Variants in ERGIC1 observed in about 807,000 individuals in gnomAD.
ERGIC1 encodes the protein endoplasmic reticulum-Golgi intermediate compartment protein 1.
ERGIC1 carries 19 observed loss-of-function variants against 38.3 expected under a neutral mutation model. That is an observed-to-expected ratio of 0.50 (90% CI 0.35 to 0.73). The LOEUF is 0.73. ERGIC1 is among the 30% of genes least tolerant of loss of function. The pLI is 0.01. For missense variants in ERGIC1, 294 were observed against 389.2 expected (o/e 0.76, Z 2.06); for synonymous variants, 124 against 157.6 (o/e 0.79, Z 1.60).
chr5:172,845,341 C>T (rs1165580204), intron 1 of ERGIC1, among the ~76,000 whole-genome samples: 1 of 152,124 alleles, frequency 6.6e-6, no homozygotes, highest in Admixed American at 6.5e-5. Flanking sequence ...CATCTGTGGG[C>T]GAGAGATTAT....
chr5:172,908,318 G>GTA (rs1561729632), intron 3 of ERGIC1, among the ~76,000 whole-genome samples: 1 of 7,328 alleles, frequency 1.4e-4, no homozygotes, highest in Non-Finnish European at 2.1e-4. Context: ...GGGGGGGGGG[G>GTA]AGAGAGGGGA....
At chr5:172,850,935 C>A (rs1761387704) in intron 1 of ERGIC1, among the ~76,000 whole-genome samples, 1 of 152,000 alleles carries the variant, frequency 6.6e-6, no homozygotes, top group Admixed American at 6.6e-5. Context: ...CACGGTGGCT[C>A]ACACTTGTAA....
chr5:172,862,557 C>A (rs1351739933), intron 1 of ERGIC1, among the ~76,000 whole-genome samples: 1 of 152,158 alleles, frequency 6.6e-6, no homozygotes, highest in Non-Finnish European at 1.5e-5. Context: ...GCTGGCCAGC[C>A]TTGACTTTTC....
chr5:172,848,765 G>T (rs1468799264), intron 1 of ERGIC1, among the ~76,000 whole-genome samples: 1 of 152,246 alleles, frequency 6.6e-6, no homozygotes, highest in Non-Finnish European at 1.5e-5. Flanking sequence ...CTGCAATGTG[G>T]CAGAGGGGTT....
chr5:172,849,655 C>T (rs991538790), intron 1 of ERGIC1, among the ~76,000 whole-genome samples: 2 of 152,178 alleles, frequency 1.3e-5, no homozygotes, highest in Non-Finnish European at 2.9e-5. Context: ...GAATCCCTTA[C>T]GTTTTCCAGT....
At chr5:172,884,244 G>GT (rs71579704) in intron 1 of ERGIC1, among the ~76,000 whole-genome samples, 3,556 of 90,562 alleles carry the variant, frequency 0.039, 322 homozygotes, top group African/African-American at 0.099. Context: ...GGAACCCCAA[G>GT]TTTTTTTTTT....
At chr5:172,885,045 G>A (rs978810320) in intron 1 of ERGIC1, among the ~76,000 whole-genome samples, 1 of 152,074 alleles carries the variant, frequency 6.6e-6, no homozygotes, top group Non-Finnish European at 1.5e-5. Context: ...ACTCTGCCCC[G>A]AGCCACTGCT....
intron 4 of ERGIC1, among the ~76,000 whole-genome samples, chr5:172,910,244 T>C (rs1763171948): frequency 6.6e-6 from 1 of 152,170 alleles, no homozygotes; most frequent in African/African-American, 2.4e-5. Flanking sequence ...ATTATCCATG[T>C]CATTGGGTAA....
At chr5:172,888,610 C>A in intron 1 of ERGIC1, 89 bp from the exon 2 acceptor site, 1 of 1,018,700 alleles carries the variant, frequency 9.8e-7, no homozygotes, top group Non-Finnish European at 1.6e-6. Flanking sequence ...TTTGTTGAAC[C>A]ATGTGTCACA....
At chr5:172,842,151 A>G (rs370658752) in intron 1 of ERGIC1, among the ~76,000 whole-genome samples, 10 of 152,190 alleles carry the variant, frequency 6.6e-5, no homozygotes, top group Non-Finnish European at 1.2e-4. Flanking sequence ...GGTTCAAGCA[A>G]TTCTGCCTCA....
chr5:172,900,110 A>T (rs1487289063), intron 3 of ERGIC1, among the ~76,000 whole-genome samples: 1 of 152,154 alleles, frequency 6.6e-6, no homozygotes, highest in Non-Finnish European at 1.5e-5. Context: ...AGCTCATCCC[A>T]CATGAGGTGG....
At chr5:172,854,985 C>T (rs189135124) in intron 1 of ERGIC1, among the ~76,000 whole-genome samples, 323 of 152,264 alleles carry the variant, frequency 2.1e-3, no homozygotes, top group African/African-American at 7.3e-3. Context: ...TAAGTGAGGC[C>T]TTGCTGTACT....
chr5:172,926,709 C>CTGGTT lies in ERGIC1; in HGVS notation c.541+140_541+141insTGGTT. The CTGGTT allele has an allele frequency of 1.8e-5, 16 of 890,212 alleles. No homozygotes were observed. The highest frequency in any genetic ancestry group is 2.6e-5 in the East Asian group (1 of 38,776). 55.1% of individuals were successfully genotyped at this position (890,212 alleles called of 1,614,324 possible). On this transcript the variant is annotated intron_variant, in intron 7 of 9. Transcript: ENST00000393784. The surrounding 1 kb of genome is among the most constrained non-coding windows in gnomAD (Gnocchi z 5.2). Reference sequence around the variant, plus strand: ...GGCTGCTGCTCACACTCCATTCCCACAGCTAACCAGTGGGAAGGTGGACCC... The same window carrying CTGGTT: ...GGCTGCTGCTCACACTCCATTCCCACTGGTTAGCTAACCAGTGGGAAGGTGGACCC...
At chr5:172,894,819 C>A (rs1561722588) in intron 2 of ERGIC1, among the ~76,000 whole-genome samples, 1 of 152,252 alleles carries the variant, frequency 6.6e-6, no homozygotes, top group East Asian at 1.9e-4. Flanking sequence ...CAACAGGGCA[C>A]ATAGTAAGTG....
chr5:172,844,665 C>T (rs1761241119), intron 1 of ERGIC1, among the ~76,000 whole-genome samples: 1 of 152,172 alleles, frequency 6.6e-6, no homozygotes, highest in South Asian at 2.1e-4. Context: ...CATGCTAAGC[C>T]CCCTCCCACC....
Position 172,932,496 on chromosome 5 carries a change from G to T in ERGIC1, c.602G>T (p.Gly201Val). 1 of 1,614,166 alleles carries T rather than the reference G, an allele frequency of 6.2e-7. No homozygotes were observed. Among genetic ancestry groups the T allele is most frequent in the South Asian group, 1.1e-5 (1 of 91,086 alleles). Residue 201 changes from glycine (G) to valine (V), a missense_variant, in exon 8 of 10, where the codon GGC (glycine) becomes GTC (valine). By Grantham distance (109) the Gly-to-Val change is moderately radical. This residue lies in a region of ERGIC1 where 109 missense variants were observed against 112.7 expected (regional missense o/e 0.97). Coordinates refer to ENST00000393784, the MANE Select transcript of ERGIC1 (RefSeq NM_001031711.3). Reference protein sequence around the residue: ...IVPTVYEDKSGKQRYSYQYTV... With the variant: ...IVPTVYEDKSVKQRYSYQYTV... ...CCCACGGTTTATGAGGACAAGAGTG[G>T]CAAGCAGCGGTACTCCTACCAGTAC...
At chr5:172,865,971 T>C (rs1243375299) in intron 1 of ERGIC1, among the ~76,000 whole-genome samples, 2 of 152,192 alleles carry the variant, frequency 1.3e-5, no homozygotes, top group African/African-American at 4.8e-5. Flanking sequence ...CCCATCTCCA[T>C]CCCATCCCAG....
chr5:172,908,300 C>CGGGGGGGGGGGGGGGG (rs374463442), intron 3 of ERGIC1, among the ~76,000 whole-genome samples: 1 of 17,144 alleles, frequency 5.8e-5, no homozygotes, highest in Non-Finnish European at 9.3e-5. Flanking sequence ...GAGGCTGAGG[C>CGGGGGGGGGGGGGGGG]GGGGGCGGGG....
rs1331405032 is a variant in ERGIC1 at position 172,914,909 on chromosome 5, G to A, written c.375+71G>A. ...GCTGTCTCCCCGCTCCCTGGAAACT[G>A]GTTGTGGAGGCACTCACTCGACCTG... On this transcript the variant is annotated intron_variant, in intron 5 of 9. Transcript: ENST00000393784. The A allele has an allele frequency of 5.6e-6, 9 of 1,604,994 alleles. No homozygotes were observed. The Admixed American group carries it at 1.2e-4, about 21-fold the overall frequency.
Sources: allele counts gnomAD v4.1 joint callset (sites outside exome capture counted in the v4.1 genomes callset), GRCh38; gene constraint gnomAD v4.1.1; regional missense constraint gnomAD v4.1.1; non-coding constraint Gnocchi (gnomAD v3.1); transcripts MANE v1.5; gene names NCBI Gene and HGNC (gene_info 2026-07-23, HGNC 2026-07-21).